ZNF813: variants seen among roughly 807,000 people sequenced by gnomAD.
ZNF813 encodes the protein zinc finger protein 813.
A neutral mutation model predicts 7.2 loss-of-function variants in ZNF813; 3 were observed. That is an observed-to-expected ratio of 0.42 (90% confidence interval 0.19 to 1.08). The LOEUF is 1.08. Ranked by LOEUF, ZNF813 falls within the 50% of genes least tolerant of loss-of-function variation. The probability of loss-of-function intolerance (pLI) is 0.30; values close to 1 mark genes in which losing one functional copy is unlikely to be tolerated. For synonymous variants in ZNF813, 227 were observed against 256.3 expected, an observed-to-expected ratio of 0.89 and a Z score of 1.09; for missense variants, 714 against 753.3, an observed-to-expected ratio of 0.95 and a Z score of 0.61.
At chr19:53,470,058 T>C (rs922625308) in intron 1 of ZNF813, among the ~76,000 whole-genome samples, 7 of 152,090 alleles carry the variant, frequency 4.6e-5, no homozygotes, top group South Asian at 2.1e-4. Flanking sequence ...ATCTATAGCA[T>C]AGCATAACTT....
chr19:53,483,389 C>T (rs2086418553), intron 1 of ZNF813, among the ~76,000 whole-genome samples: 1 of 152,114 alleles, frequency 6.6e-6, no homozygotes, highest in Non-Finnish European at 1.5e-5. Flanking sequence ...GGGGTTTCAC[C>T]ATGTTGCCCA....
intron 1 of ZNF813, among the ~76,000 whole-genome samples, chr19:53,482,293 A>C (rs1398483604): frequency 3.3e-5 from 5 of 152,326 alleles, no homozygotes; most frequent in Admixed American, 6.5e-5. Context: ...ACATCACAGC[A>C]AAATCTAAAG....
chr19:53,490,612 A>T lies in ZNF813; in HGVS notation c.380A>T (p.Asp127Val), dbSNP rs774247113. The change falls in exon 4 of 4, where the codon GAT becomes GTT. Residue 127 changes from aspartate (D) to valine (V), a missense_variant. This residue lies in a region of ZNF813 where 563 missense variants were observed against 554.2 expected (regional missense o/e 1.02). Transcript: ENST00000396403. ...KKLTGSADRY[D>V]QRHAGNKPIK... ...TTGACTGGTAGTGCAGACCGATATG[A>T]TCAAAGGCATGCTGGAAACAAGCCT... The T allele has an allele frequency of 4.3e-6, 7 of 1,614,208 alleles. No individual in the cohort carries two copies. Among genetic ancestry groups the T allele is most frequent in the Non-Finnish European group, 5.9e-6 (7 of 1,180,038 alleles).
chr19:53,484,508 A>T (rs539800980), intron 2 of ZNF813, among the ~76,000 whole-genome samples: 1 of 152,184 alleles, frequency 6.6e-6, no homozygotes, highest in Non-Finnish European at 1.5e-5. Flanking sequence ...CTTGTGAAAC[A>T]GGTGTTTTCA....
At position 53,469,113 on chromosome 19, in the gene ZNF813, TAAC is replaced by T. The variant is rs1433203055; in HGVS notation, c.-74+1327_-74+1329del. 2.6e-5 allele frequency among the ~76,000 whole-genome samples: 4 copies of T among 152,302 alleles called. No homozygotes were observed. The South Asian group carries it at 8.3e-4, about 32-fold the overall frequency. ...AGCATACTGCCTGCAAACATATTGT[TAAC>T]AAGGCACACCCTGCACAGCCCTAAA... On this transcript the variant is annotated intron_variant, in intron 1 of 3. Transcript: ENST00000396403.
At chr19:53,475,139 C>G in intron 1 of ZNF813, among the ~76,000 whole-genome samples, 1 of 146,172 alleles carries the variant, frequency 6.8e-6, no homozygotes, top group East Asian at 1.9e-4. Context: ...TAAAAGTCCT[C>G]TCTCTTTATA....
intron 1 of ZNF813, among the ~76,000 whole-genome samples, chr19:53,481,010 G>C (rs181911572): frequency 1.5e-4 from 23 of 152,330 alleles, no homozygotes; most frequent in African/African-American, 5.5e-4. Flanking sequence ...CAAAGAAGCA[G>C]GTGGTGAGGA....
intron 1 of ZNF813, among the ~76,000 whole-genome samples, chr19:53,479,147 C>A (rs2147157341): frequency 6.6e-6 from 1 of 152,298 alleles, no homozygotes; most frequent in Non-Finnish European, 1.5e-5. Context: ...GTTGGCCAGG[C>A]TGGCCTTGAA....
At chr19:53,488,719 G>A (rs1422985179) in intron 3 of ZNF813, among the ~76,000 whole-genome samples, 3 of 151,554 alleles carry the variant, frequency 2.0e-5, no homozygotes, top group Non-Finnish European at 4.4e-5. Context: ...GCGCCCAGCC[G>A]TTAGTCAATT....
Position 53,491,213 on chromosome 19 carries a change from C to A in ZNF813, c.981C>A (p.Tyr327Ter). The change falls in exon 4 of 4, where the codon TAC becomes TAA. Residue 327 changes from tyrosine (Y) to a stop codon, truncating the protein, a stop_gained. Coordinates refer to ENST00000396403, the MANE Select transcript of ZNF813 (RefSeq NM_001004301.4). LOFTEE classifies it low-confidence loss of function (END_TRUNC). ...HRRIHAGEKP[Y>*]KCNECGKTFS... ...GAATTCATGCTGGAGAAAAACCATA[C>A]AAGTGTAATGAATGTGGCAAGACCT... The A allele has an allele frequency of 1.2e-6, 2 of 1,613,846 alleles. No individual in the cohort carries two copies. Among genetic ancestry groups the A allele is most frequent in the Non-Finnish European group, 1.7e-6 (2 of 1,179,782 alleles).
In ZNF813 at chr19:53,490,559, T is replaced by C. The variant is rs1380984709; in HGVS notation, c.327T>C (p.His109=). 1.9e-6 allele frequency: 3 copies of C among 1,614,046 alleles called. No homozygotes were observed. Among genetic ancestry groups the C allele is most frequent in the Non-Finnish European group, 2.5e-6 (3 of 1,180,040 alleles). ...GGCAAGAAGATGAAAGAAATAGCCA[T>C]GAAGCACCCATGACAGAAATCAAAA... ...FQWQEDERNS[H]EAPMTEIKKL... is the part of the protein sequence containing the mutation. Residue 109 remains histidine (H), a synonymous_variant, in exon 4 of 4, where the codon CAT becomes CAC. Coordinates refer to ENST00000396403, the MANE Select transcript of ZNF813 (RefSeq NM_001004301.4).
In ZNF813 at chr19:53,496,047, C is replaced by G. The variant is rs368160186; in HGVS notation, c.*3961C>G. 1 of 334,828 alleles carries G rather than the reference C, an allele frequency of 3.0e-6. No homozygotes were observed. Among genetic ancestry groups the G allele is most frequent in the African/African-American group, 2.1e-5 (1 of 47,024 alleles). The allele number at this position is 334,828 out of a possible 1,614,324, so 20.7% of individuals were successfully genotyped here. On this transcript the variant is annotated 3_prime_UTR_variant, in exon 4 of 4. Transcript: ENST00000396403. The stretch of plus-strand genomic sequence containing the variant: ...GAAGCGGGGTCTATAAGGAATTGCA[C>G]GTGAGATGGCACACATATTTATGCT...
At chr19:53,487,168 T>C (rs1041403513) in intron 3 of ZNF813, among the ~76,000 whole-genome samples, 4 of 152,114 alleles carry the variant, frequency 2.6e-5, no homozygotes, top group Admixed American at 2.6e-4. Flanking sequence ...AAGGCCAATA[T>C]GAGTCTTCTG....
rs111582892 is a variant in ZNF813 at position 53,491,824 on chromosome 19, T to A, written c.1592T>A (p.Val531Asp). The A allele has an allele frequency of 1.6e-5, 25 of 1,611,042 alleles. No individual in the cohort carries two copies. The African/African-American group carries it at 2.2e-4, about 14-fold the overall frequency. ...TACAAGTGTAATGAATGTGGCAAGG[T>A]TTTTAATCGAAAAACACACCTTGCA... is the stretch of plus-strand genomic sequence containing the variant. ...KPYKCNECGK[V>D]FNRKTHLAHH... The change falls in exon 4 of 4, where the codon GTT (valine) becomes GAT (aspartate). Residue 531 changes from valine to aspartate, a missense_variant. Around this residue, in one of 3 missense-constraint regions of ZNF813, gnomAD observed 122 missense variants for 146.8 expected, o/e 0.83. Transcript: ENST00000396403.
At chr19:53,480,555 C>T (rs910182680) in intron 1 of ZNF813, among the ~76,000 whole-genome samples, 1 of 152,136 alleles carries the variant, frequency 6.6e-6, no homozygotes, top group African/African-American at 2.4e-5. Flanking sequence ...AGATCAAGGT[C>T]TGCATGCTTT....
intron 1 of ZNF813, chr19:53,480,051 G>C (rs2086400180): frequency 3.9e-6 from 3 of 762,942 alleles, no homozygotes; most frequent in Non-Finnish European, 7.2e-6. Context: ...TGTACACAAA[G>C]GATGCTGGAC....
At chr19:53,468,222 C>CCT (rs1014370984) in intron 1 of ZNF813, among the ~76,000 whole-genome samples, 5 of 61,394 alleles carry the variant, frequency 8.1e-5, no homozygotes, top group South Asian at 8.4e-4. Context: ...CCCTCGCGCC[C>CCT]CCCCCCCCCC....
At chr19:53,480,306 A>G in intron 1 of ZNF813, 1 of 710,336 alleles carries the variant, frequency 1.4e-6, no homozygotes, top group South Asian at 1.4e-5. Flanking sequence ...GAACCTTTGC[A>G]AACAACATTT....
rs888131466 is a variant in ZNF813, at chr19:53,484,709, C to T, written c.15+872C>T. 6.6e-5 allele frequency among the ~76,000 whole-genome samples: 10 copies of T among 152,218 alleles called. No homozygotes were observed. In the East Asian group the frequency reaches 7.7e-4, roughly 12 times the overall value. On this transcript the variant is annotated intron_variant, in intron 2 of 3. Transcript: ENST00000396403. ...CCTCCCAAGTAGCTGGGATTATAGG[C>T]GTGCGTCACCCCGCCCAGCTAATTT...
Sources: allele counts gnomAD v4.1 joint callset (sites outside exome capture counted in the v4.1 genomes callset), GRCh38; gene constraint gnomAD v4.1.1; regional missense constraint gnomAD v4.1.1; transcripts MANE v1.5; gene names NCBI Gene and HGNC (gene_info 2026-07-23, HGNC 2026-07-21).